The following BCL2L14 variants were observed in gnomAD, a reference collection of about 807,000 sequenced individuals.
BCL2L14 encodes BCL2 like 14.
Under a neutral mutation model 35.3 loss-of-function variants are expected in BCL2L14, and 27 were observed. That is an observed-to-expected ratio of 0.76 (90% confidence interval 0.56 to 1.05). The LOEUF is 1.05. Ranked by LOEUF, BCL2L14 falls within the 50% of genes least tolerant of loss-of-function variation. The pLI, the probability that BCL2L14 is intolerant of heterozygous loss-of-function variation, is 0.00. For missense variants in BCL2L14, 377 were observed against 382.6 expected, an observed-to-expected ratio of 0.99 and a Z score of 0.12; for synonymous variants, 139 against 145.9, an observed-to-expected ratio of 0.95 and a Z score of 0.34.
At chr12:12,091,639 T>C (rs533444588) in intron 4 of BCL2L14, among the ~76,000 whole-genome samples, 145 of 152,218 alleles carry the variant, frequency 9.5e-4, no homozygotes, top group Non-Finnish European at 1.7e-3. Context: ...CTCCTGTCTA[T>C]AGCTTTGTCA....
chr12:12,078,912 G>A (rs1000749285), intron 1 of BCL2L14, among the ~76,000 whole-genome samples: 19 of 152,202 alleles, frequency 1.2e-4, no homozygotes, highest in Admixed American at 5.2e-4. Flanking sequence ...TTCTTCTGCC[G>A]CAGCCTCCCA....
intron 2 of BCL2L14, among the ~76,000 whole-genome samples, chr12:12,065,660 G>A (rs1034804430): frequency 3.3e-5 from 5 of 152,156 alleles, no homozygotes; most frequent in African/African-American, 1.2e-4. Context: ...TTGCCTTAGT[G>A]AGGTTGGTTA....
At chr12:12,087,183 G>C in intron 2 of BCL2L14, 30 bp from the exon 3 acceptor site, 1 of 1,608,880 alleles carries the variant, frequency 6.2e-7, no homozygotes, top group East Asian at 2.2e-5. Flanking sequence ...TCTGGGAAGG[G>C]CCTCTCAGCA....
chr12:12,055,760 A>C (rs1244846112), intron 2 of BCL2L14: 1 of 152,208 alleles, frequency 6.6e-6, no homozygotes, highest in Non-Finnish European at 1.5e-5. Context: ...ATAAACCAGA[A>C]AAATCCCTTC....
intron 2 of BCL2L14, among the ~76,000 whole-genome samples, chr12:12,057,866 C>A (rs1948455951): frequency 6.6e-6 from 1 of 151,652 alleles, no homozygotes; most frequent in Non-Finnish European, 1.5e-5. Flanking sequence ...AAGACAGTGC[C>A]TGGGCTCCCT....
At chr12:12,057,843 G>A (rs997503886) in intron 2 of BCL2L14, among the ~76,000 whole-genome samples, 6 of 148,148 alleles carry the variant, frequency 4.1e-5, no homozygotes, top group African/African-American at 1.3e-4. Flanking sequence ...AGTGGTTAGC[G>A]TCATGGGCCT....
At chr12:12,062,017 C>G (rs1005472737) in intron 2 of BCL2L14, among the ~76,000 whole-genome samples, 1 of 152,098 alleles carries the variant, frequency 6.6e-6, no homozygotes, top group African/African-American at 2.4e-5. Context: ...TTAGCCTAGC[C>G]CTCATGTCTC....
At chr12:12,086,665 G>A (rs1042459421) in intron 2 of BCL2L14, among the ~76,000 whole-genome samples, 2 of 152,202 alleles carry the variant, frequency 1.3e-5, no homozygotes, top group African/African-American at 4.8e-5. Context: ...GGAGAGAAGA[G>A]GCAGAACTGT....
chr12:12,051,312 A>G lies in BCL2L14; in HGVS notation c.-323-484A>G, dbSNP rs115828620. Among the ~76,000 whole-genome samples the G allele has an allele frequency of 4.7e-3, 720 of 152,284 alleles. 5 individuals are homozygous for G. Among genetic ancestry groups the G allele is most frequent in the African/African-American group, 0.017 (696 of 41,546 alleles). On this transcript the variant is annotated intron_variant, in intron 1 of 3. Transcript: ENST00000461264. ...TCTCAACCCTGTTTGCACATCAGGTACCCCATGCGTCTGCTGTAGTCTGTA... is the reference window on the plus strand; with the variant it reads ...TCTCAACCCTGTTTGCACATCAGGTGCCCCATGCGTCTGCTGTAGTCTGTA...
intron 2 of BCL2L14, chr12:12,055,279 C>T (rs1948414816): frequency 6.6e-6 from 1 of 152,200 alleles, no homozygotes; most frequent in Non-Finnish European, 1.5e-5. Context: ...AATTCTCCAA[C>T]TCATTCACAT....
chr12:12,050,797 A>AG (rs1809013310), intron 1 of BCL2L14, among the ~76,000 whole-genome samples: 1 of 73,064 alleles, frequency 1.4e-5, no homozygotes, highest in African/African-American at 3.1e-5. Context: ...ATGAGCTAAA[A>AG]AAAAAAAAAA....
rs1196046884 is a variant in BCL2L14, at chr12:12,079,673, A to G, written c.368A>G (p.Gln123Arg). Residue 123 changes from glutamine (Q) to arginine (R), a missense_variant, in exon 2 of 6, where the codon CAA becomes CGA. Gln to Arg is a conservative substitution (Grantham distance 43). Coordinates refer to ENST00000308721, the MANE Select transcript of BCL2L14 (RefSeq NM_138723.2). ...CAGGGTCAAAGGACGTTGGAATACC[A>G]AGATTCGCACAGCCAGCAGTGGTCC... ...SAQGQRTLEYQDSHSQQWSRC... is the reference protein window; with the variant it reads ...SAQGQRTLEYRDSHSQQWSRC... 1.2e-6 allele frequency: 2 copies of G among 1,614,198 alleles called. No individual in the cohort carries two copies. The highest frequency in any genetic ancestry group is 4.5e-5 in the East Asian group (2 of 44,888).
chr12:12,059,881 T>C (rs1181245890), intron 2 of BCL2L14, among the ~76,000 whole-genome samples: 2 of 152,146 alleles, frequency 1.3e-5, no homozygotes, highest in South Asian at 2.1e-4. Context: ...ATAATGCTTG[T>C]CGTAAAATAG....
chr12:12,067,517 C>T (rs1429976558), upstream of BCL2L14, among the ~76,000 whole-genome samples: 1 of 152,138 alleles, frequency 6.6e-6, no homozygotes, highest in South Asian at 2.1e-4. Flanking sequence ...TGCCACTGCA[C>T]TCCAGCCTGG....
chr12:12,058,854 C>T (rs1005841721), intron 2 of BCL2L14, among the ~76,000 whole-genome samples: 26 of 152,300 alleles, frequency 1.7e-4, no homozygotes, highest in South Asian at 6.2e-4. Context: ...CTCTTTGCTC[C>T]GTGAGAAAGA....
chr12:12,077,795 A>T, intron 1 of BCL2L14: 1 of 212,788 alleles, frequency 4.7e-6, no homozygotes, highest in Non-Finnish European at 1.0e-5. Flanking sequence ...GGACTGTTAG[A>T]CTGAGAAGCC....
At chr12:12,069,403 A>C (rs1948631450), upstream of BCL2L14, among the ~76,000 whole-genome samples, 1 of 152,106 alleles carries the variant, frequency 6.6e-6, no homozygotes, top group Non-Finnish European at 1.5e-5. Context: ...CCCCAAAAAA[A>C]GGTTGCAAGT....
Position 12,060,191 on chromosome 12 carries a change from CAT to C in BCL2L14, c.-272+8345_-272+8346del, listed in dbSNP as rs1948500759. On this transcript the variant is annotated intron_variant, in intron 2 of 3. Coordinates refer to the BCL2L14 transcript ENST00000461264. ...CCCGGTCCGGCTTACAGTTTCGTTC[CAT>C]GACTAGCCCTCCCCCTCCTGCCCAG... 4.0e-5 allele frequency among the ~76,000 whole-genome samples: 6 copies of C among 151,254 alleles called. No individual in the cohort carries two copies. The South Asian group carries it at 8.4e-4, about 21-fold the overall frequency.
upstream of BCL2L14, chr12:12,067,981 T>G (rs1400115256): frequency 2.6e-6 from 1 of 386,818 alleles, no homozygotes; most frequent in African/African-American, 2.1e-5. Flanking sequence ...TCACCCAGGC[T>G]GAGTGCAGTG....
Sources: gnomAD v4.1 joint callset for allele counts (sites outside exome capture counted in the v4.1 genomes callset) on GRCh38, gnomAD v4.1.1 for gene constraint, MANE v1.5 for transcripts, NCBI Gene and HGNC (gene_info 2026-07-23, HGNC 2026-07-21) for gene names.